FXR1: variants seen among roughly 807,000 people sequenced by gnomAD.
The protein encoded by FXR1 is FMR1 autosomal homolog 1.
In FXR1, 15 loss-of-function variants were observed where a neutral mutation model predicts 84.0. The ratio of observed to expected loss-of-function variants is 0.18; its 90% CI spans 0.12 to 0.27. The LOEUF (loss-of-function observed/expected upper bound fraction) is 0.27, where lower values mean the gene tolerates loss of function less well. FXR1 is among the 10% of genes least tolerant of loss of function. The probability of loss-of-function intolerance (pLI) is 1.00; values close to 1 mark genes in which losing one functional copy is unlikely to be tolerated. For synonymous variants in FXR1, 245 were observed against 250.7 expected, an observed-to-expected ratio of 0.98 and a Z score of 0.21; for missense variants, 480 against 774.4, an observed-to-expected ratio of 0.62 and a Z score of 4.51.
chr3:180,980,089 T>G lies in FXR1; in HGVS notation c.*3797T>G, dbSNP rs1030345247. On this transcript the variant is annotated 3_prime_UTR_variant, in exon 17 of 17. Coordinates refer to ENST00000357559, the MANE Select transcript of FXR1 (RefSeq NM_005087.4). ...TCAATTTTATCCAACCAGAGAGGGC[T>G]GGCCTAGTTGGTATCTTTAAGGCCC... 1.3e-5 allele frequency: 2 copies of G among 152,080 alleles called. No individual in the cohort carries two copies. The highest frequency in any genetic ancestry group is 2.9e-5 in the Non-Finnish European group (2 of 67,948). The allele number at this position is 152,080 out of a possible 1,614,324, so 9.4% of individuals were successfully genotyped here. A position where few individuals can be genotyped will look rare whatever the true frequency, so the allele number is the denominator to read the frequency against.
At chr3:180,914,640 T>G in intron 1 of FXR1, 1 of 363,180 alleles carries the variant, frequency 2.8e-6, no homozygotes, top group South Asian at 1.1e-4. Context: ...TCACGGTATT[T>G]TTTTTTTCCA....
chr3:180,948,440 A>C lies in FXR1; in HGVS notation c.364A>C (p.Lys122Gln). The change falls in exon 5 of 17, where the codon AAA becomes CAA. Residue 122 changes from lysine to glutamine, a missense_variant. Lys to Gln is a moderately conservative substitution (Grantham distance 53, BLOSUM62 1). Coordinates refer to ENST00000357559, the MANE Select transcript of FXR1 (RefSeq NM_005087.4). ...GCCTGTCAATCAAAATAAAACTGTC[A>C]AAAAAAATACCTTCTTTAAATGCAC... is the stretch of plus-strand genomic sequence containing the variant. ...LRPVNQNKTVKKNTFFKCTVD... is the reference protein window; with the variant it reads ...LRPVNQNKTVQKNTFFKCTVD... The C allele has an allele frequency of 6.3e-7, 1 of 1,575,036 alleles. No homozygotes were observed. The highest frequency in any genetic ancestry group is 8.7e-7 in the Non-Finnish European group (1 of 1,146,514).
intron 15 of FXR1, among the ~76,000 whole-genome samples, chr3:180,972,486 C>G (rs1411990380): frequency 6.6e-6 from 1 of 152,164 alleles, no homozygotes; most frequent in Non-Finnish European, 1.5e-5. Context: ...GAGATTATTT[C>G]ATTTTTTGAA....
intron 3 of FXR1, among the ~76,000 whole-genome samples, chr3:180,941,425 T>C (rs528936222): frequency 1.7e-4 from 26 of 152,190 alleles, no homozygotes; most frequent in African/African-American, 6.3e-4. Context: ...ACTCCTGGGC[T>C]CAAGCAGTCA....
At chr3:180,955,484 T>C (rs1370298728) in intron 9 of FXR1, among the ~76,000 whole-genome samples, 2 of 152,094 alleles carry the variant, frequency 1.3e-5, no homozygotes, top group African/African-American at 4.8e-5. Context: ...ATACAAAATA[T>C]AGGTAGGGTG....
At chr3:180,927,196 A>G (rs1805568) in intron 1 of FXR1, among the ~76,000 whole-genome samples, 2 of 151,988 alleles carry the variant, frequency 1.3e-5, no homozygotes, top group Non-Finnish European at 2.9e-5. Context: ...TGAATTGGCA[A>G]AAGTATTTCA....
chr3:180,932,088 A>AAAAAAAAC (rs1439899331), intron 1 of FXR1, among the ~76,000 whole-genome samples: 10 of 150,324 alleles, frequency 6.7e-5, no homozygotes, highest in Admixed American at 2.0e-4. Flanking sequence ...AAAAAAAAAA[A>AAAAAAAAC]AACAACTTTT....
chr3:180,968,388 C>G, intron 14 of FXR1, 134 bp downstream of exon 14: 1 of 649,616 alleles, frequency 1.5e-6, no homozygotes, highest in Non-Finnish European at 2.7e-6. Flanking sequence ...AAGTAGTGGA[C>G]CATATAGCAG....
intron 7 of FXR1, 100 bp downstream of exon 7, chr3:180,949,443 G>A (rs1163101417): frequency 2.7e-6 from 2 of 743,472 alleles, no homozygotes; most frequent in Non-Finnish European, 4.9e-6. Context: ...CTAGAGTGCA[G>A]TGGCACAATC....
chr3:180,967,251 A>G (rs987743860), intron 13 of FXR1, among the ~76,000 whole-genome samples: 1 of 152,234 alleles, frequency 6.6e-6, no homozygotes, highest in South Asian at 2.1e-4. Context: ...TTAAGATGCT[A>G]GTAAAACATG....
At chr3:180,969,304 T>C (rs1221379414) in intron 14 of FXR1, among the ~76,000 whole-genome samples, 5 of 152,244 alleles carry the variant, frequency 3.3e-5, no homozygotes, top group African/African-American at 1.2e-4. Flanking sequence ...ACCTAGTGTT[T>C]TATGATTAAT....
At chr3:180,932,634 A>G (rs1720070662) in intron 1 of FXR1, among the ~76,000 whole-genome samples, 1 of 152,210 alleles carries the variant, frequency 6.6e-6, no homozygotes, top group Non-Finnish European at 1.5e-5. Context: ...GCCAATTGTT[A>G]TTGAGAATCT....
Position 180,963,016 on chromosome 3 carries a change from C to G in FXR1, c.1136-12C>G, listed in dbSNP as rs762132215. ...TATGCCACTGATGAAAGTACCGTCT[C>G]TTCTGTACAAGGTTCTAGGTCTTAT... On this transcript the variant is annotated splice_polypyrimidine_tract_variant and intron_variant, in intron 12 of 16. Coordinates refer to ENST00000357559, the MANE Select transcript of FXR1 (RefSeq NM_005087.4). The G allele has an allele frequency of 1.2e-6, 2 of 1,608,160 alleles. No individual in the cohort carries two copies. Among genetic ancestry groups the G allele is most frequent in the Admixed American group, 3.3e-5 (2 of 59,950 alleles).
At chr3:180,973,938 A>G (rs1713897848) in intron 15 of FXR1, among the ~76,000 whole-genome samples, 1 of 152,178 alleles carries the variant, frequency 6.6e-6, no homozygotes, top group South Asian at 2.1e-4. Context: ...TTTATACTTT[A>G]TGGACCAATT....
intron 2 of FXR1, 24 bp from the exon 3 acceptor site, chr3:180,935,114 A>G: frequency 8.7e-7 from 1 of 1,147,798 alleles, no homozygotes; most frequent in Non-Finnish European, 1.3e-6. Flanking sequence ...TTAAGTTGTT[A>G]ATACACCTTT....
chr3:180,961,339 C>CAA lies in FXR1; in HGVS notation c.991-102_991-101dup, dbSNP rs34386869. The CAA allele has an allele frequency of 7.1e-3, 2,076 of 290,568 alleles. 41 individuals carry two copies. The highest frequency in any genetic ancestry group is 0.012 in the Admixed American group (161 of 13,996). 18.0% of individuals were successfully genotyped at this position (290,568 alleles called of 1,614,324 possible). On this transcript the variant is annotated intron_variant, in intron 10 of 16. Transcript: ENST00000357559. ...TGGGCAACAGAGCAAGACGTCATCTCAAAAAAAAAAAAAAAAAAAAAAAAA... is the reference window on the plus strand; with the variant it reads ...TGGGCAACAGAGCAAGACGTCATCTCAAAAAAAAAAAAAAAAAAAAAAAAAAA...
chr3:180,960,353 G>A (rs1711940911), intron 10 of FXR1, among the ~76,000 whole-genome samples: 1 of 152,180 alleles, frequency 6.6e-6, no homozygotes, highest in African/African-American at 2.4e-5. Flanking sequence ...TGTTACCTGA[G>A]CACATACTGT....
chr3:180,970,420 A>G (rs969064577), intron 15 of FXR1, 62 bp downstream of exon 15: 5 of 253,580 alleles, frequency 2.0e-5, no homozygotes, highest in Admixed American at 1.7e-4. Flanking sequence ...ATATATATAT[A>G]TAATTGTAAA....
chr3:180,915,657 C>G, intron 1 of FXR1: 2 of 706,958 alleles, frequency 2.8e-6, no homozygotes, highest in Non-Finnish European at 5.1e-6. Flanking sequence ...CTTTTTTCCC[C>G]TCCTCTTACC....
Sources: allele counts gnomAD v4.1 joint callset (sites outside exome capture counted in the v4.1 genomes callset), GRCh38; gene constraint gnomAD v4.1.1; transcripts MANE v1.5; gene names NCBI Gene and HGNC (gene_info 2026-07-23, HGNC 2026-07-21).